TESPA1: variants seen among roughly 807,000 people sequenced by gnomAD.
TESPA1 encodes thymocyte expressed, positive selection associated 1.
TESPA1 carries 33 observed loss-of-function variants against 57.9 expected under a neutral mutation model. The ratio of observed to expected loss-of-function variants is 0.57; its 90% confidence interval spans 0.43 to 0.76. TESPA1 has a LOEUF of 0.76. Among genes scored for constraint, TESPA1 ranks in the 30% least tolerant of loss-of-function variants. TESPA1 has a pLI of 0.00. For missense variants in TESPA1, 618 were observed against 632.9 expected (o/e 0.98, Z 0.25); for synonymous variants, 227 against 228.9 (o/e 0.99, Z 0.07).
At chr12:54,968,754 C>T (rs1184934480) in intron 3 of TESPA1, among the ~76,000 whole-genome samples, 2 of 151,982 alleles carry the variant, frequency 1.3e-5, no homozygotes, top group Non-Finnish European at 2.9e-5. Flanking sequence ...GGAAGTTATT[C>T]ATGGTGCTTT....
chr12:54,979,199 C>T (rs1952229610), intron 1 of TESPA1, among the ~76,000 whole-genome samples: 2 of 132,616 alleles, frequency 1.5e-5, no homozygotes, highest in Non-Finnish European at 3.0e-5. Flanking sequence ...CTACCAAATT[C>T]TCCTATTTAA....
At chr12:54,974,230 C>A (rs779860866) in intron 2 of TESPA1, among the ~76,000 whole-genome samples, 170 bp downstream of exon 2, 5 of 152,204 alleles carry the variant, frequency 3.3e-5, no homozygotes, top group Non-Finnish European at 5.9e-5. Context: ...TCACATAATT[C>A]ATATTTCGTA....
At chr12:54,955,753 T>C (rs1950691793) in intron 10 of TESPA1, among the ~76,000 whole-genome samples, 1 of 152,246 alleles carries the variant, frequency 6.6e-6, no homozygotes, top group Admixed American at 6.5e-5. Flanking sequence ...TTTACACCTT[T>C]GTGGAGTGAT....
At chr12:54,966,023 C>A (rs992109835) in intron 7 of TESPA1, 30 bp downstream of exon 7, 3 of 1,550,956 alleles carry the variant, frequency 1.9e-6, no homozygotes, top group Non-Finnish European at 2.6e-6. Context: ...TCTTCTCCAC[C>A]CTTCCACCCT....
At chr12:54,960,868 G>A (rs185393575) in intron 10 of TESPA1, among the ~76,000 whole-genome samples, 2 of 152,100 alleles carry the variant, frequency 1.3e-5, no homozygotes. Flanking sequence ...AAATTCTTTG[G>A]TTCTATCCAG....
rs1353958899 is a variant in TESPA1 at position 54,950,074 on chromosome 12, G to A, written c.*318C>T. The A allele has an allele frequency of 7.6e-6, 2 of 263,442 alleles. No homozygotes were observed. Among genetic ancestry groups the A allele is most frequent in the Non-Finnish European group, 1.5e-5 (2 of 132,762 alleles). The allele number at this position is 263,442 out of a possible 1,614,324, so 16.3% of individuals were successfully genotyped here. The stretch of plus-strand genomic sequence containing the variant: ...TGGGAGAAAATTAAGGCTTTGTTCA[G>A]TTTACTATCATCCACATTATATATT... On this transcript the variant is annotated 3_prime_UTR_variant, in exon 11 of 11. Coordinates refer to ENST00000449076, the MANE Select transcript of TESPA1 (RefSeq NM_001136030.3).
intron 10 of TESPA1, among the ~76,000 whole-genome samples, chr12:54,958,711 A>C (rs1399141546): frequency 1.3e-5 from 2 of 151,630 alleles, no homozygotes; most frequent in Non-Finnish European, 2.9e-5. Context: ...TATTTTTTTC[A>C]GTCTTCTCTT....
At position 54,949,350 on chromosome 12, in the gene TESPA1, C is replaced by T. The variant is rs1426126800; in HGVS notation, c.*1042G>A. On this transcript the variant is annotated 3_prime_UTR_variant, in exon 11 of 11. Coordinates refer to ENST00000449076, the MANE Select transcript of TESPA1 (RefSeq NM_001136030.3). ...CTTTAAACTTTTGGTTATGATTTCC[C>T]TCAAATTCCCTCAAGTCCCTCTCTT... The T allele has an allele frequency of 6.8e-6, 1 of 148,106 alleles. No homozygotes were observed. The highest frequency in any genetic ancestry group is 1.5e-5 in the Non-Finnish European group (1 of 67,434). 9.2% of individuals were successfully genotyped at this position (148,106 alleles called of 1,614,324 possible).
intron 3 of TESPA1, among the ~76,000 whole-genome samples, chr12:54,968,728 C>G (rs1951611009): frequency 6.6e-6 from 1 of 152,080 alleles, no homozygotes. Flanking sequence ...GTTTGCTTTC[C>G]TAAAGCTTTT....
rs922621314 is a variant in TESPA1 at position 54,949,929 on chromosome 12, G to C, written c.*463C>G. 1.1e-5 allele frequency: 2 copies of C among 180,038 alleles called. No individual in the cohort carries two copies. The highest frequency in any genetic ancestry group is 2.3e-5 in the Non-Finnish European group (2 of 85,836). The allele number at this position is 180,038 out of a possible 1,614,324, so 11.2% of individuals were successfully genotyped here. ...TAGTGTGAGATGTACCATGCTTTTA[G>C]AGCCAGAAAGTGAGGTGTCCTTCCT... On this transcript the variant is annotated 3_prime_UTR_variant, in exon 11 of 11. Coordinates refer to ENST00000449076, the MANE Select transcript of TESPA1 (RefSeq NM_001136030.3).
chr12:54,982,296 A>T (rs943221061), intron 1 of TESPA1, among the ~76,000 whole-genome samples: 1 of 152,214 alleles, frequency 6.6e-6, no homozygotes, highest in African/African-American at 2.4e-5. Context: ...GCATTCTGAG[A>T]CTTCTATTGT....
intron 10 of TESPA1, among the ~76,000 whole-genome samples, chr12:54,956,859 G>A (rs1395748544): frequency 6.6e-6 from 1 of 152,114 alleles, no homozygotes. Context: ...AGCGTGAGAG[G>A]GCAAGAAAGC....
rs1019771788 is a variant in TESPA1 at position 54,963,252 on chromosome 12, A to G, written c.656-10T>C. On this transcript the variant is annotated splice_polypyrimidine_tract_variant and intron_variant, in intron 8 of 10. Coordinates refer to ENST00000449076, the MANE Select transcript of TESPA1 (RefSeq NM_001136030.3). ...ACCTGCTTAAACCTGCCTGGGTACA[A>G]GAGTTAAAGATGGTAAGTCTGGGGT... 5.6e-6 allele frequency: 9 copies of G among 1,600,846 alleles called. No homozygotes were observed. Among genetic ancestry groups the G allele is most frequent in the Non-Finnish European group, 6.8e-6 (8 of 1,173,334 alleles).
intron 1 of TESPA1, among the ~76,000 whole-genome samples, chr12:54,978,404 GTACCAATGTTTAT>G (rs1481969405): frequency 6.6e-6 from 1 of 152,136 alleles, no homozygotes; most frequent in Admixed American, 6.5e-5. Context: ...TTTACTTCCA[GTACCAATGTTTAT>G]TAATTTATTT....
rs539357173 is a variant in TESPA1, at chr12:54,970,126, TGGA to T, written c.207-2237_207-2235del. Among the ~76,000 whole-genome samples the T allele has an allele frequency of 3.9e-5, 6 of 152,106 alleles. No homozygotes were observed. The South Asian group carries it at 1.0e-3, about 26-fold the overall frequency. On this transcript the variant is annotated intron_variant, in intron 3 of 10. Transcript: ENST00000449076. ...TGTTGTTTTTTTTTCCTTGTAGAGA[TGGA>T]GGACTGGTACATTGCCCAGGGTGGT...
Position 54,948,338 on chromosome 12 carries a change from T to C in TESPA1, c.*2054A>G, listed in dbSNP as rs574410717. The C allele has an allele frequency of 3.6e-4, 66 of 183,376 alleles. No individual in the cohort carries two copies. In the South Asian group the frequency reaches 0.012, roughly 33 times the overall value. The allele number at this position is 183,376 out of a possible 1,614,324, so 11.4% of individuals were successfully genotyped here. A position where few individuals can be genotyped will look rare whatever the true frequency, so the allele number is the denominator to read the frequency against. The stretch of plus-strand genomic sequence containing the variant: ...TACATGCAGGTCACAGGGGATATGA[T>C]GGCTTAGCTTGGGCTCAGAGGCCTG... On this transcript the variant is annotated 3_prime_UTR_variant, in exon 11 of 11. Coordinates refer to ENST00000449076, the MANE Select transcript of TESPA1 (RefSeq NM_001136030.3).
intron 1 of TESPA1, among the ~76,000 whole-genome samples, chr12:54,979,528 C>T (rs970276527): frequency 1.3e-5 from 2 of 152,120 alleles, no homozygotes; most frequent in African/African-American, 4.8e-5. Flanking sequence ...TCCATAAATC[C>T]TTCTCCACAA....
At position 54,962,904 on chromosome 12, in the gene TESPA1, G is replaced by A. The variant is rs558058108; in HGVS notation, c.994C>T (p.Gln332Ter). ...GAGAATTGCCCCAAATCAGAGTCTT[G>A]CTGGAGGAACTGCTTCTCTTCTTTC... ...KVKEEKQFLQ[Q>*]DSDLGQFSQE... The change falls in exon 9 of 11, where the codon CAA becomes TAA. Residue 332 changes from glutamine to a stop codon, truncating the protein, a stop_gained. Coordinates refer to ENST00000449076, the MANE Select transcript of TESPA1 (RefSeq NM_001136030.3). LOFTEE classifies it high-confidence loss of function. The A allele has an allele frequency of 2.4e-5, 38 of 1,613,794 alleles. No individual in the cohort carries two copies. In the South Asian group the frequency reaches 4.1e-4, roughly 17 times the overall value.
chr12:54,979,769 G>A (rs1436462237), intron 1 of TESPA1, among the ~76,000 whole-genome samples: 3 of 152,120 alleles, frequency 2.0e-5, no homozygotes, highest in Non-Finnish European at 4.4e-5. Context: ...AACCTGTAGA[G>A]GTATGTCATA....
Sources: gnomAD v4.1 joint callset for allele counts (sites outside exome capture counted in the v4.1 genomes callset) on GRCh38, gnomAD v4.1.1 for gene constraint, MANE v1.5 for transcripts, NCBI Gene and HGNC (gene_info 2026-07-23, HGNC 2026-07-21) for gene names.